JMJD1C: variants seen among roughly 807,000 people sequenced by gnomAD.
The protein encoded by JMJD1C is jumonji domain containing 1C, also known as jumonji domain-containing protein 1C.
In JMJD1C, 31 loss-of-function variants were observed where a neutral mutation model predicts 245.3. The ratio of observed to expected loss-of-function variants is 0.13; its 90% CI spans 0.09 to 0.17. The LOEUF (loss-of-function observed/expected upper bound fraction) is 0.17, where lower values mean the gene tolerates loss of function less well. JMJD1C is among the 10% of genes least tolerant of loss of function. JMJD1C has a pLI of 1.00. For synonymous variants in JMJD1C, 1,057 were observed against 1,017.4 expected (o/e 1.04, Z -0.74); for missense variants, 2,691 against 3,000.2 (o/e 0.90, Z 2.41).
At position 63,186,374 on chromosome 10, in the gene JMJD1C, C is replaced by G; in HGVS notation, c.6580G>C (p.Val2194Leu). 1 of 1,605,334 alleles carries G rather than the reference C, an allele frequency of 6.2e-7. No homozygotes were observed. Among genetic ancestry groups the G allele is most frequent in the Non-Finnish European group, 8.5e-7 (1 of 1,176,032 alleles). The change falls in exon 19 of 26, where the codon GTT (valine) becomes CTT (leucine). Residue 2194 changes from valine (V) to leucine (L), a missense_variant. Physicochemically the swap from Val to Leu is conservative, Grantham distance 32. Transcript: ENST00000399262. ...TTCATTTTCTTATGCACACCAGAAA[C>G]CACTGCAGGCTTATAAATAGATAAA... ...ECWKQGQPAV[V>L]SGVHKKMNIS...
intron 1 of JMJD1C, among the ~76,000 whole-genome samples, chr10:63,395,700 C>A (rs1948440574): frequency 1.3e-5 from 2 of 152,058 alleles, no homozygotes; most frequent in African/African-American, 4.8e-5. Flanking sequence ...CTGGAAAAAA[C>A]CCAGATGTCC....
intron 2 of JMJD1C, among the ~76,000 whole-genome samples, chr10:63,314,185 C>T (rs1028341243): frequency 2.0e-5 from 3 of 152,124 alleles, no homozygotes; most frequent in Non-Finnish European, 4.4e-5. Flanking sequence ...GTGTTCTTTC[C>T]CCACTTCATG....
intron 3 of JMJD1C, among the ~76,000 whole-genome samples, chr10:63,221,037 A>C (rs1589192665): frequency 6.7e-6 from 1 of 149,196 alleles, no homozygotes; most frequent in East Asian, 2.0e-4. Context: ...TGTGAACCGG[A>C]AGGTGGCACT....
chr10:63,293,945 T>C (rs1415566226), intron 2 of JMJD1C, among the ~76,000 whole-genome samples: 1 of 152,208 alleles, frequency 6.6e-6, no homozygotes, highest in Admixed American at 6.5e-5. Context: ...TAGGTCCTTT[T>C]TCTGACCTTT....
chr10:63,311,092 C>T (rs1421133823), intron 2 of JMJD1C, among the ~76,000 whole-genome samples: 4 of 151,716 alleles, frequency 2.6e-5, no homozygotes, highest in Admixed American at 2.0e-4. Context: ...TAATTCCGGC[C>T]GGGTGCAGTG....
Position 63,274,687 on chromosome 10 carries a change from T to C in JMJD1C, c.334-9923A>G, listed in dbSNP as rs958811111. Among the ~76,000 whole-genome samples, 4 of 152,352 alleles carry C rather than the reference T, an allele frequency of 2.6e-5. No homozygotes were observed. The East Asian group carries it at 7.7e-4, about 29-fold the overall frequency. ...CTATGATTTCTACAAGGATTTCTAG[T>C]AGATATGGACCTTAAGACTTTTTTA... On this transcript the variant is annotated intron_variant, in intron 2 of 25. Coordinates refer to ENST00000399262, the MANE Select transcript of JMJD1C (RefSeq NM_032776.3).
At chr10:63,247,938 G>A (rs539126570) in intron 3 of JMJD1C, among the ~76,000 whole-genome samples, 2 of 151,918 alleles carry the variant, frequency 1.3e-5, no homozygotes, top group African/African-American at 4.8e-5. Context: ...ACAAAAAAAG[G>A]AAACTATAGG....
At chr10:63,200,733 C>T (rs1425100983) in intron 10 of JMJD1C, 56 bp from the exon 11 acceptor site, 2 of 1,441,718 alleles carry the variant, frequency 1.4e-6, no homozygotes, top group Non-Finnish European at 1.9e-6. Flanking sequence ...AAGTTAAACT[C>T]CTTGAGATGA....
At chr10:63,368,061 A>G (rs1205008751) in intron 2 of JMJD1C, among the ~76,000 whole-genome samples, 2 of 152,218 alleles carry the variant, frequency 1.3e-5, no homozygotes, top group Non-Finnish European at 2.9e-5. Context: ...ATTAATTTCA[A>G]ATAGTACAGA....
Position 63,465,838 on chromosome 10 carries a change from T to G in JMJD1C, c.-176A>C, listed in dbSNP as rs1303196866. 1.3e-6 allele frequency: 1 copy of G among 741,772 alleles called. No individual in the cohort carries two copies. Among genetic ancestry groups the G allele is most frequent in the Admixed American group, 2.0e-5 (1 of 49,830 alleles). 45.9% of individuals were successfully genotyped at this position (741,772 alleles called of 1,614,324 possible). On this transcript the variant is annotated 5_prime_UTR_variant, in exon 1 of 26. Transcript: ENST00000399262. ...CCCCGGACACAGCGACCTCGGGCCC[T>G]CCCCGCAAACACTCCTTTGGACTCC...
chr10:63,182,022 G>C (rs148397995), intron 22 of JMJD1C, among the ~76,000 whole-genome samples: 95 of 152,318 alleles, frequency 6.2e-4, no homozygotes, highest in African/African-American at 2.1e-3. Context: ...AGTTTCTACA[G>C]TTTTGAGGGA....
At chr10:63,451,511 A>G (rs990924224) in intron 1 of JMJD1C, among the ~76,000 whole-genome samples, 26 of 152,234 alleles carry the variant, frequency 1.7e-4, no homozygotes, top group African/African-American at 7.2e-5. Flanking sequence ...AAAAATATGA[A>G]TTTGAAAAAT....
At chr10:63,239,643 G>A (rs1163399915) in intron 3 of JMJD1C, among the ~76,000 whole-genome samples, 1 of 152,044 alleles carries the variant, frequency 6.6e-6, no homozygotes, top group African/African-American at 2.4e-5. Flanking sequence ...CGGGGGTTTT[G>A]CCATGTTGGC....
upstream of JMJD1C, among the ~76,000 whole-genome samples, chr10:63,468,307 TA>T (rs1953381500): frequency 6.6e-6 from 1 of 152,230 alleles, no homozygotes; most frequent in African/African-American, 2.4e-5. Flanking sequence ...TGGAAAAATT[TA>T]AAAGTACATT....
At chr10:63,341,638 G>A (rs1023534991) in intron 2 of JMJD1C, among the ~76,000 whole-genome samples, 1 of 152,176 alleles carries the variant, frequency 6.6e-6, no homozygotes, top group East Asian at 1.9e-4. Flanking sequence ...AGAGAAGCTG[G>A]ACAGAATGAT....
At chr10:63,362,802 A>T (rs922535728) in intron 2 of JMJD1C, among the ~76,000 whole-genome samples, 1 of 152,072 alleles carries the variant, frequency 6.6e-6, no homozygotes, top group Non-Finnish European at 1.5e-5. Flanking sequence ...ATTTATATAT[A>T]ATTCCTAAAA....
chr10:63,203,380 T>TA, intron 10 of JMJD1C: 1 of 984,986 alleles, frequency 1.0e-6, no homozygotes, highest in South Asian at 4.7e-5. Flanking sequence ...CTTAGTTCTC[T>TA]AGTAGCAAAT....
chr10:63,265,580 T>C lies in JMJD1C; in HGVS notation c.334-816A>G, dbSNP rs181164188. On this transcript the variant is annotated intron_variant, in intron 2 of 25. Coordinates refer to ENST00000399262, the MANE Select transcript of JMJD1C (RefSeq NM_032776.3). ...ATGACTATCACACTCACTTTCAAAG[T>C]AGATGAAGATTAAATAAAATACAAG... 2.8e-4 allele frequency among the ~76,000 whole-genome samples: 42 copies of C among 152,128 alleles called. 1 individual carries two copies. The highest frequency in any genetic ancestry group is 2.9e-5 in the Non-Finnish European group (2 of 68,014).
chr10:63,438,750 T>C (rs1205096176), intron 1 of JMJD1C, among the ~76,000 whole-genome samples: 2 of 152,120 alleles, frequency 1.3e-5, no homozygotes, highest in Admixed American at 1.3e-4. Flanking sequence ...TGGTACTTAC[T>C]CCAGACATCT....
Sources: gnomAD v4.1 joint callset for allele counts (sites outside exome capture counted in the v4.1 genomes callset) on GRCh38, gnomAD v4.1.1 for gene constraint, MANE v1.5 for transcripts, NCBI Gene and HGNC (gene_info 2026-07-23, HGNC 2026-07-21) for gene names.